OPCML: variants seen among roughly 807,000 people sequenced by gnomAD.
OPCML encodes the protein opioid-binding protein/cell adhesion molecule.
Under a neutral mutation model 37.8 loss-of-function variants are expected in OPCML, and 13 were observed. The observed-to-expected ratio is 0.34, with a 90% CI of 0.22 to 0.55. The LOEUF is 0.55. OPCML is among the 20% of genes least tolerant of loss of function. The pLI is 0.91. For synonymous variants in OPCML, 176 were observed against 168.8 expected (o/e 1.04, Z -0.33); for missense variants, 341 against 435.6 (o/e 0.78, Z 1.93).
chr11:132,680,085 A>C lies in OPCML; in HGVS notation c.147-22766T>G, dbSNP rs1462888382. Among the ~76,000 whole-genome samples, 4 of 152,186 alleles carry C rather than the reference A, an allele frequency of 2.6e-5. No homozygotes were observed. In the East Asian group the frequency reaches 7.7e-4, roughly 29 times the overall value. Reference sequence around the variant, plus strand: ...GAATGTGCTCAGGTCTACAGAGTGCAATTTCCCATGTCACTGTGGCAAATT... The same window carrying C: ...GAATGTGCTCAGGTCTACAGAGTGCCATTTCCCATGTCACTGTGGCAAATT... On this transcript the variant is annotated intron_variant, in intron 2 of 7. Coordinates refer to ENST00000524381, the MANE Select transcript of OPCML (RefSeq NM_001012393.5).
At chr11:133,185,160 A>G (rs1471121103) in intron 1 of OPCML, among the ~76,000 whole-genome samples, 2 of 152,226 alleles carry the variant, frequency 1.3e-5, no homozygotes, top group Non-Finnish European at 2.9e-5. Flanking sequence ...GCTAGTGTCA[A>G]TCTATCAATC....
chr11:132,421,741 G>A (rs991998383), intron 7 of OPCML, among the ~76,000 whole-genome samples: 3 of 152,154 alleles, frequency 2.0e-5, no homozygotes, highest in South Asian at 2.1e-4. Context: ...AGGTTGTAGC[G>A]ACATGTTAAT....
Position 133,103,110 on chromosome 11 carries a change from T to A in OPCML, c.62-160100A>T, listed in dbSNP as rs570398630. On this transcript the variant is annotated intron_variant, in intron 1 of 7. Transcript: ENST00000524381. Reference sequence around the variant, plus strand: ...AAAAATTAATACCAAAACCACAACATTACTTTTTTTCTAATAGTGATCTGG... The same window carrying A: ...AAAAATTAATACCAAAACCACAACAATACTTTTTTTCTAATAGTGATCTGG... 3.9e-5 allele frequency among the ~76,000 whole-genome samples: 6 copies of A among 152,316 alleles called. 2 individuals are homozygous for A. The highest frequency in any genetic ancestry group is 1.4e-4 in the African/African-American group (6 of 41,568).
chr11:133,037,143 C>T (rs1947797692), intron 1 of OPCML, among the ~76,000 whole-genome samples: 1 of 152,164 alleles, frequency 6.6e-6, no homozygotes, highest in Admixed American at 6.5e-5. Flanking sequence ...AATCAAAAGC[C>T]ATGGCTGAAT....
intron 2 of OPCML, among the ~76,000 whole-genome samples, chr11:132,889,152 T>C (rs986917976): frequency 5.9e-5 from 9 of 152,196 alleles, no homozygotes; most frequent in African/African-American, 2.2e-4. Context: ...AGTGATATTT[T>C]AAAGAGATCT....
intron 1 of OPCML, among the ~76,000 whole-genome samples, chr11:133,001,309 C>G (rs1946997462): frequency 6.6e-6 from 1 of 152,218 alleles, no homozygotes; most frequent in South Asian, 2.1e-4. Context: ...CACACACACA[C>G]AGACACACCA....
chr11:132,650,445 C>G (rs1253372462), intron 3 of OPCML, among the ~76,000 whole-genome samples: 11 of 152,156 alleles, frequency 7.2e-5, no homozygotes, highest in Admixed American at 7.2e-4. Flanking sequence ...TTCAACCTTT[C>G]CATTGCAAAG....
chr11:133,166,222 T>C (rs1198773660), intron 1 of OPCML, among the ~76,000 whole-genome samples: 2 of 152,240 alleles, frequency 1.3e-5, no homozygotes, highest in Non-Finnish European at 2.9e-5. Context: ...GAAGAGTCAG[T>C]GCTCTAAATA....
chr11:133,043,308 G>A (rs760459075), intron 1 of OPCML, among the ~76,000 whole-genome samples: 12 of 152,108 alleles, frequency 7.9e-5, no homozygotes, highest in African/African-American at 1.9e-4. Context: ...GGAATTGATC[G>A]TGAGAGGGCA....
intron 2 of OPCML, among the ~76,000 whole-genome samples, chr11:132,794,733 C>T (rs1233228069): frequency 6.6e-6 from 1 of 152,136 alleles, no homozygotes; most frequent in Non-Finnish European, 1.5e-5. Context: ...AAAGATGTGA[C>T]TACCATATCC....
chr11:132,612,612 G>GA lies in OPCML; in HGVS notation c.379+44474dup, dbSNP rs144371809. Among the ~76,000 whole-genome samples the GA allele has an allele frequency of 9.1e-3, 1,381 of 152,122 alleles. 13 individuals are homozygous for GA. The highest frequency in any genetic ancestry group is 0.012 in the Non-Finnish European group (815 of 67,966). On this transcript the variant is annotated intron_variant, in intron 3 of 7. Coordinates refer to ENST00000524381, the MANE Select transcript of OPCML (RefSeq NM_001012393.5). ...AAGGACATAAGACAAATGCTAGCAAGAAAAAAATGGGTCAAATTGGGAATA... is the reference window on the plus strand; with the variant it reads ...AAGGACATAAGACAAATGCTAGCAAGAAAAAAAATGGGTCAAATTGGGAATA...
intron 2 of OPCML, among the ~76,000 whole-genome samples, chr11:132,819,004 A>G (rs769447580): frequency 2.7e-5 from 4 of 150,400 alleles, no homozygotes; most frequent in Non-Finnish European, 4.4e-5. Context: ...AAGTAAAGTT[A>G]CAAAGTCGAA....
At chr11:132,448,170 C>T (rs953589307) in intron 4 of OPCML, among the ~76,000 whole-genome samples, 1 of 152,234 alleles carries the variant, frequency 6.6e-6, no homozygotes, top group African/African-American at 2.4e-5. Flanking sequence ...TCAGTTCCTG[C>T]AGATGAAGCC....
At chr11:132,876,660 C>A (rs1345329357) in intron 2 of OPCML, among the ~76,000 whole-genome samples, 1 of 152,136 alleles carries the variant, frequency 6.6e-6, no homozygotes, top group Non-Finnish European at 1.5e-5. Context: ...ATATAAATGT[C>A]CCAATGGTAG....
At chr11:132,727,326 T>A (rs775034116) in intron 2 of OPCML, among the ~76,000 whole-genome samples, 2 of 152,164 alleles carry the variant, frequency 1.3e-5, no homozygotes, top group Non-Finnish European at 2.9e-5. Flanking sequence ...TGCCTAGAGA[T>A]TTAGGTGAAC....
At chr11:132,429,313 C>A (rs530055291) in intron 7 of OPCML, among the ~76,000 whole-genome samples, 2 of 152,156 alleles carry the variant, frequency 1.3e-5, no homozygotes, top group African/African-American at 2.4e-5. Flanking sequence ...CTGTGGCAAA[C>A]CGACAGGAGT....
At chr11:133,346,040 T>G (rs1943995061) in intron 1 of OPCML, among the ~76,000 whole-genome samples, 1 of 152,256 alleles carries the variant, frequency 6.6e-6, no homozygotes, top group African/African-American at 2.4e-5. Context: ...AGTGTAGTTC[T>G]TCATCAAAGT....
At chr11:133,360,111 TTA>T (rs1944380752) in intron 1 of OPCML, 1 of 152,226 alleles carries the variant, frequency 6.6e-6, no homozygotes, top group African/African-American at 2.4e-5. Context: ...TGCTAGGAAC[TTA>T]ACATCAATTT....
At chr11:132,855,712 G>T (rs1488782517) in intron 2 of OPCML, among the ~76,000 whole-genome samples, 2 of 152,158 alleles carry the variant, frequency 1.3e-5, no homozygotes, top group Non-Finnish European at 2.9e-5. Context: ...CCTCATCAGA[G>T]TGCCTGAGGC....
Sources: gnomAD v4.1 joint callset for allele counts (sites outside exome capture counted in the v4.1 genomes callset) on GRCh38, gnomAD v4.1.1 for gene constraint, MANE v1.5 for transcripts, NCBI Gene and HGNC (gene_info 2026-07-23, HGNC 2026-07-21) for gene names.